Variants in STK10 observed in about 807,000 individuals in gnomAD.
STK10 encodes the protein serine/threonine-protein kinase 10.
A neutral mutation model predicts 113.8 loss-of-function variants in STK10; 78 were observed. The observed-to-expected ratio is 0.69, with a 90% CI of 0.57 to 0.83. The LOEUF (loss-of-function observed/expected upper bound fraction) is 0.83. STK10 is among the 40% of genes least tolerant of loss of function. The probability of loss-of-function intolerance (pLI) is 0.00; values close to 1 mark genes in which losing one functional copy is unlikely to be tolerated. For synonymous variants in STK10, 465 were observed against 494.7 expected, an observed-to-expected ratio of 0.94 and a Z score of 0.80; for missense variants, 1,109 against 1,280.1, an observed-to-expected ratio of 0.87 and a Z score of 2.04.
At chr5:172,143,797 T>C (rs892207337) in intron 2 of STK10, among the ~76,000 whole-genome samples, 2 of 152,152 alleles carry the variant, frequency 1.3e-5, no homozygotes, top group African/African-American at 4.8e-5. Flanking sequence ...CTTCATACGA[T>C]CCAATATCAA....
intron 2 of STK10, among the ~76,000 whole-genome samples, chr5:172,135,440 A>G (rs1031293463): frequency 6.6e-6 from 1 of 152,048 alleles, no homozygotes; most frequent in Non-Finnish European, 1.5e-5. Context: ...TGAACCTGGG[A>G]GGCGGAGGTT....
At chr5:172,184,751 A>G (rs1344777846) in intron 1 of STK10, among the ~76,000 whole-genome samples, 3 of 152,118 alleles carry the variant, frequency 2.0e-5, no homozygotes, top group Non-Finnish European at 4.4e-5. Context: ...TCACGGGTTC[A>G]AGCAATTCTC....
At chr5:172,078,119 C>A (rs1452475997) in intron 12 of STK10, among the ~76,000 whole-genome samples, 2 of 152,194 alleles carry the variant, frequency 1.3e-5, no homozygotes, top group Admixed American at 1.3e-4. Flanking sequence ...CAGCACCTTG[C>A]AGCCCTCACA....
At chr5:172,147,344 A>G (rs577552641) in intron 2 of STK10, among the ~76,000 whole-genome samples, 1 of 152,020 alleles carries the variant, frequency 6.6e-6, no homozygotes, top group African/African-American at 2.4e-5. Flanking sequence ...TTGGAAAAAA[A>G]AGTGCACGGT....
chr5:172,180,269 G>A (rs146185201), intron 1 of STK10, among the ~76,000 whole-genome samples: 1,981 of 152,082 alleles, frequency 0.013, 38 homozygotes, highest in African/African-American at 0.043. Flanking sequence ...TTCAAGACCA[G>A]CCTGGCCAAC....
chr5:172,048,063 C>T (rs553166585), intron 18 of STK10, among the ~76,000 whole-genome samples: 10 of 152,070 alleles, frequency 6.6e-5, no homozygotes, highest in East Asian at 1.9e-4. Context: ...CCACTGTGCC[C>T]GACTGATTTC....
At chr5:172,122,806 G>C (rs1166473647) in intron 3 of STK10, among the ~76,000 whole-genome samples, 1 of 152,126 alleles carries the variant, frequency 6.6e-6, no homozygotes, top group African/African-American at 2.4e-5. Flanking sequence ...TGTATTTTCA[G>C]TAGAGACGAG....
At position 172,054,658 on chromosome 5, in the gene STK10, G is replaced by T; in HGVS notation, c.2563C>A (p.Arg855=). 1.9e-6 allele frequency: 3 copies of T among 1,610,874 alleles called. No individual in the cohort carries two copies. Among genetic ancestry groups the T allele is most frequent in the African/African-American group, 1.3e-5 (1 of 75,038 alleles). ...TCGTGTTTCTGCTGTTGCTGCAGCC[G>T]CTCCGACTTCTGCCTCTTCTCCTCC... The part of the protein sequence containing the change: ...QQEEKRQKSE[R]LQQQQKHENQ... The change falls in exon 17 of 19, where the codon CGG becomes AGG. Residue 855 remains arginine (R), a synonymous_variant. Coordinates refer to ENST00000176763, the MANE Select transcript of STK10 (RefSeq NM_005990.4).
At chr5:172,096,281 T>G in intron 8 of STK10, 145 bp downstream of exon 8, 6 of 1,320,936 alleles carry the variant, frequency 4.5e-6, no homozygotes, top group Non-Finnish European at 6.1e-6. Context: ...TTACGTTACC[T>G]GCAGCGTGGG....
At position 172,106,821 on chromosome 5, in the gene STK10, C is replaced by G; in HGVS notation, c.594-7G>C. 1 of 1,612,646 alleles carries G rather than the reference C, an allele frequency of 6.2e-7. No individual in the cohort carries two copies. Among genetic ancestry groups the G allele is most frequent in the Non-Finnish European group, 8.5e-7 (1 of 1,179,004 alleles). On this transcript the variant is annotated splice_region_variant and splice_polypyrimidine_tract_variant and intron_variant, in intron 5 of 18. Coordinates refer to ENST00000176763, the MANE Select transcript of STK10 (RefSeq NM_005990.4). ...GACCACCTCGGGGGCCATCCTGAAC[C>G]AACCAAGGGACAACATAGGGCTAAG...
chr5:172,174,638 T>G (rs1180896414), intron 1 of STK10, among the ~76,000 whole-genome samples: 1 of 152,126 alleles, frequency 6.6e-6, no homozygotes, highest in African/African-American at 2.4e-5. Flanking sequence ...ACAACAGCCC[T>G]GAAGGAAATC....
In STK10 at chr5:172,142,398, C is replaced by A. The variant is rs192062528; in HGVS notation, c.321+14226G>T. On this transcript the variant is annotated intron_variant, in intron 2 of 18. Transcript: ENST00000176763. ...TTGATTTCCACCCTTCTAAGTAATG[C>A]GCACAAAGAGAACCCGATGTGTGCA... Among the ~76,000 whole-genome samples the A allele has an allele frequency of 2.6e-3, 391 of 152,222 alleles. 2 individuals are homozygous for A. Among genetic ancestry groups the A allele is most frequent in the African/African-American group, 9.0e-3 (374 of 41,518 alleles).
In STK10 at chr5:172,061,252, G is replaced by A. The variant is rs776007495; in HGVS notation, c.2099C>T (p.Ala700Val). The A allele has an allele frequency of 6.2e-7, 1 of 1,612,676 alleles. No individual in the cohort carries two copies. Among genetic ancestry groups the A allele is most frequent in the South Asian group, 1.1e-5 (1 of 91,022 alleles). ...CAGCTCCAGGTCCTCCTTCTGCTTG[G>A]CTACAAAGTCCCGGTCCTGTGGGGA... ...KKQLLDRDFV[A>V]KQKEDLELAM... The change falls in exon 14 of 19, where the codon GCC becomes GTC. Residue 700 changes from alanine to valine, a missense_variant. By Grantham distance (64) the Ala-to-Val change is moderately conservative. Around this residue, in one of 5 missense-constraint regions of STK10, gnomAD observed 885 missense variants for 991.1 expected, o/e 0.89. Coordinates refer to ENST00000176763, the MANE Select transcript of STK10 (RefSeq NM_005990.4).
At chr5:172,071,297 A>G (rs201185455) in intron 12 of STK10, among the ~76,000 whole-genome samples, 11 of 128,082 alleles carry the variant, frequency 8.6e-5, no homozygotes, top group African/African-American at 2.7e-4. Context: ...AAAAAAAAAA[A>G]AAGAAGAAGA....
At chr5:172,175,709 C>T (rs146772161) in intron 1 of STK10, among the ~76,000 whole-genome samples, 2 of 152,340 alleles carry the variant, frequency 1.3e-5, no homozygotes, top group East Asian at 1.9e-4. Flanking sequence ...AGAGTAGACA[C>T]CGCACTGAAG....
Position 172,106,401 on chromosome 5 carries a change from C to CAAAAAAAAAAAAAAA in STK10, c.788+204_788+218dup, listed in dbSNP as rs368671444. ...TGGGCAAAAGAGTGAGACCCTATCT[C>CAAAAAAAAAAAAAAA]AAAAAAAAAAAAAAAAAGGAACACA... On this transcript the variant is annotated intron_variant, in intron 6 of 18. Coordinates refer to ENST00000176763, the MANE Select transcript of STK10 (RefSeq NM_005990.4). 5.1e-3 allele frequency among the ~76,000 whole-genome samples: 271 copies of CAAAAAAAAAAAAAAA among 53,402 alleles called. 43 individuals are homozygous for CAAAAAAAAAAAAAAA. The highest frequency in any genetic ancestry group is 8.0e-3 in the Non-Finnish European group (212 of 26,416). 35.0% of individuals were successfully genotyped at this position (53,402 alleles called of 152,430 possible).
intron 14 of STK10, among the ~76,000 whole-genome samples, chr5:172,059,434 C>CAAAAAAAA: frequency 1.8e-5 from 1 of 57,014 alleles, no homozygotes; most frequent in Non-Finnish European, 3.8e-5. Context: ...CTCTCCATCT[C>CAAAAAAAA]AAAAAAAAAA....
chr5:172,184,648 T>C (rs1016131655), intron 1 of STK10, among the ~76,000 whole-genome samples: 4 of 152,058 alleles, frequency 2.6e-5, no homozygotes, highest in Non-Finnish European at 5.9e-5. Context: ...AGTCACTTTT[T>C]GTTTTTATTG....
chr5:172,080,488 C>T (rs6885389), intron 12 of STK10, among the ~76,000 whole-genome samples: 25,876 of 152,170 alleles, frequency 0.17, 2,588 homozygotes, highest in African/African-American at 0.27. Flanking sequence ...GTTGTGAATG[C>T]AAAGAAAAAG....
Sources: gnomAD v4.1 joint callset for allele counts (sites outside exome capture counted in the v4.1 genomes callset) on GRCh38, gnomAD v4.1.1 for gene constraint, gnomAD v4.1.1 regional missense constraint, MANE v1.5 for transcripts, NCBI Gene and HGNC (gene_info 2026-07-23, HGNC 2026-07-21) for gene names.